The following RAD51B variants were observed in gnomAD, a reference collection of about 807,000 sequenced individuals.
The protein encoded by RAD51B is DNA repair protein RAD51 homolog 2.
RAD51B carries 38 observed loss-of-function variants against 42.2 expected under a neutral mutation model. The ratio of observed to expected loss-of-function variants is 0.90; its 90% CI spans 0.70 to 1.18. RAD51B has a LOEUF of 1.18. Ranked by LOEUF, RAD51B falls within the 50% of genes most tolerant of loss-of-function variation. The pLI, the probability that RAD51B is intolerant of heterozygous loss-of-function variation, is 0.00. For missense variants in RAD51B, 373 were observed against 400.7 expected (o/e 0.93, Z 0.59); for synonymous variants, 154 against 145.2 (o/e 1.06, Z -0.43).
chr14:68,347,862 G>C (rs769204746), intron 8 of RAD51B, among the ~76,000 whole-genome samples: 5 of 152,142 alleles, frequency 3.3e-5, no homozygotes, highest in Non-Finnish European at 5.9e-5. Flanking sequence ...GTTTGAGAGA[G>C]GACTTTAAAG....
chr14:68,659,699 G>A lies in RAD51B; in HGVS notation c.*11+8843G>A, dbSNP rs114198827. ...CCTTGAGTGGGTGGTCTCCCCAGACGCCCTCCCTCTGCCTGGGAAGCGACA... is the reference window on the plus strand; with the variant it reads ...CCTTGAGTGGGTGGTCTCCCCAGACACCCTCCCTCTGCCTGGGAAGCGACA... On this transcript the variant is annotated intron_variant, in intron 11 of 11. Transcript: ENST00000488612. Among the ~76,000 whole-genome samples the A allele has an allele frequency of 4.5e-3, 692 of 152,310 alleles. 6 individuals carry two copies. Among genetic ancestry groups the A allele is most frequent in the African/African-American group, 0.016 (660 of 41,560 alleles).
At chr14:68,154,682 T>C (rs184561952) in intron 7 of RAD51B, among the ~76,000 whole-genome samples, 15 of 152,164 alleles carry the variant, frequency 9.9e-5, no homozygotes, top group Admixed American at 2.0e-4. Context: ...CTGAGGAAAT[T>C]GTAGAACTTT....
intron 10 of RAD51B, among the ~76,000 whole-genome samples, chr14:68,582,346 A>G (rs1246141665): frequency 6.6e-6 from 1 of 152,258 alleles, no homozygotes; most frequent in African/African-American, 2.4e-5. Context: ...TGGTCAAAGG[A>G]TATGAACAGA....
At chr14:68,500,479 G>T (rs12590642) in intron 10 of RAD51B, among the ~76,000 whole-genome samples, 44 of 152,226 alleles carry the variant, frequency 2.9e-4, no homozygotes, top group African/African-American at 1.0e-3. Context: ...CCAGCAGCCC[G>T]TAGCACCCAG....
chr14:67,993,267 A>G (rs1046722097), intron 7 of RAD51B, among the ~76,000 whole-genome samples: 2 of 152,038 alleles, frequency 1.3e-5, no homozygotes, highest in African/African-American at 4.8e-5. Context: ...CTGTTGTGCT[A>G]TTTAGCCCTA....
chr14:67,874,987 G>A (rs77418647), intron 5 of RAD51B, among the ~76,000 whole-genome samples: 9,175 of 152,204 alleles, frequency 0.06, 666 homozygotes, highest in African/African-American at 0.18. Context: ...ATAAAGGAAA[G>A]TAAAGTTGGG....
intron 7 of RAD51B, among the ~76,000 whole-genome samples, chr14:68,122,436 A>G (rs1009099367): frequency 7.9e-5 from 12 of 152,212 alleles, no homozygotes; most frequent in Non-Finnish European, 1.6e-4. Context: ...AAGTAAGCAC[A>G]AGTGCTTTTA....
intron 7 of RAD51B, among the ~76,000 whole-genome samples, chr14:68,291,136 A>G (rs2081508850): frequency 6.6e-6 from 1 of 150,750 alleles, no homozygotes; most frequent in East Asian, 2.0e-4. Flanking sequence ...ATTGTATTCA[A>G]CACCAGTAAT....
At chr14:68,643,073 G>A (rs958166965) in intron 10 of RAD51B, among the ~76,000 whole-genome samples, 20 of 92,538 alleles carry the variant, frequency 2.2e-4, no homozygotes, top group African/African-American at 7.9e-4. Context: ...TGTTGTTGCC[G>A]GCTGGATCTG....
downstream of RAD51B, among the ~76,000 whole-genome samples, chr14:68,599,104 C>T (rs1891117350): frequency 1.3e-5 from 2 of 152,198 alleles, no homozygotes; most frequent in South Asian, 4.1e-4. Flanking sequence ...TGCTTTATGG[C>T]CCACTGCGGT....
intron 10 of RAD51B, among the ~76,000 whole-genome samples, chr14:68,633,817 T>A (rs1331944858): frequency 1.3e-5 from 2 of 152,054 alleles, no homozygotes; most frequent in African/African-American, 4.8e-5. Context: ...GGTAAGGGAG[T>A]GGCCTCTTTT....
intron 10 of RAD51B, among the ~76,000 whole-genome samples, chr14:68,593,646 T>C (rs1415500761): frequency 6.6e-6 from 1 of 152,208 alleles, no homozygotes; most frequent in Non-Finnish European, 1.5e-5. Context: ...GCACCTGGGC[T>C]GGCTGAAAGT....
At chr14:68,009,706 C>G (rs1201934633) in intron 7 of RAD51B, among the ~76,000 whole-genome samples, 2 of 151,894 alleles carry the variant, frequency 1.3e-5, no homozygotes, top group South Asian at 2.1e-4. Flanking sequence ...TAGACGACCT[C>G]TTCTATAAAA....
chr14:68,610,873 G>GTGTC lies in RAD51B; in HGVS notation c.1037-130_1037-129insCTGT. 1.1e-5 allele frequency: 7 copies of GTGTC among 616,064 alleles called. No individual in the cohort carries two copies. The South Asian group carries it at 1.3e-4, about 11-fold the overall frequency. The allele number at this position is 616,064 out of a possible 1,614,324, so 38.2% of individuals were successfully genotyped here. On this transcript the variant is annotated intron_variant, in intron 10 of 10. Transcript: ENST00000487861. ...TGTGTGTGTGTGTGTGTGTGTGTGT[G>GTGTC]TGTGTGTGTGTGTCATCTCCCTAGT...
chr14:68,021,313 A>T (rs1271797738), intron 7 of RAD51B, among the ~76,000 whole-genome samples: 3 of 152,216 alleles, frequency 2.0e-5, no homozygotes, highest in Non-Finnish European at 4.4e-5. Flanking sequence ...GATGCCAGTG[A>T]TGGCAGCAAT....
At chr14:67,952,688 TAGG>T (rs1287721308) in intron 7 of RAD51B, among the ~76,000 whole-genome samples, 5 of 150,962 alleles carry the variant, frequency 3.3e-5, no homozygotes, top group African/African-American at 1.2e-4. Flanking sequence ...TGGCCGGAAG[TAGG>T]AGTAGTAGGA....
intron 7 of RAD51B, among the ~76,000 whole-genome samples, chr14:67,924,237 G>A (rs571757127): frequency 2.0e-5 from 3 of 152,126 alleles, no homozygotes; most frequent in South Asian, 2.1e-4. Flanking sequence ...GTTTAATTAC[G>A]TCCCATCTAT....
intron 7 of RAD51B, among the ~76,000 whole-genome samples, chr14:68,253,407 G>A (rs1034988896): frequency 7.9e-5 from 12 of 151,728 alleles, no homozygotes; most frequent in Non-Finnish European, 1.3e-4. Flanking sequence ...TCTGTTCTTC[G>A]CGTTTCTATT....
intron 7 of RAD51B, among the ~76,000 whole-genome samples, chr14:68,265,765 A>G (rs933998738): frequency 2.6e-5 from 4 of 152,158 alleles, no homozygotes; most frequent in African/African-American, 9.7e-5. Flanking sequence ...AAAAATAAAA[A>G]ATAAAAATAA....
Sources: allele counts gnomAD v4.1 joint callset (sites outside exome capture counted in the v4.1 genomes callset), GRCh38; gene constraint gnomAD v4.1.1; transcripts MANE v1.5; gene names NCBI Gene and HGNC (gene_info 2026-07-23, HGNC 2026-07-21).